ZNF655: variants seen among roughly 807,000 people sequenced by gnomAD.
The protein encoded by ZNF655 is Vav-interacting Kruppel-like protein 1.
A neutral mutation model predicts 6.6 loss-of-function variants in ZNF655; 3 were observed. The ratio of observed to expected loss-of-function variants is 0.46; its 90% CI spans 0.21 to 1.18. The LOEUF is 1.18. Ranked by LOEUF, ZNF655 falls within the 50% of genes most tolerant of loss-of-function variation. The probability of loss-of-function intolerance (pLI) is 0.24; values close to 1 mark genes in which losing one functional copy is unlikely to be tolerated. For synonymous variants in ZNF655, 178 were observed against 195.0 expected (o/e 0.91, Z 0.73); for missense variants, 526 against 572.3 (o/e 0.92, Z 0.83).
intron 2 of ZNF655, chr7:99,570,338 T>C (rs1045766037): frequency 6.6e-6 from 1 of 152,210 alleles, no homozygotes; most frequent in Non-Finnish European, 1.5e-5. Context: ...ATTAAATATA[T>C]GTCCACAAGG....
rs1338270336 is a variant in ZNF655, at chr7:99,573,044, C to G, written c.936C>G (p.Phe312Leu). ...SYKCSSCERV[F>L]SRSVHLTQHQ... ...AATGTAGCAGTTGTGAAAGAGTCTT[C>G]AGTCGTAGTGTCCACCTTACTCAAC... The change falls in exon 3 of 3, where the codon TTC (phenylalanine) becomes TTG (leucine). Residue 312 changes from phenylalanine to leucine, a missense_variant. By Grantham distance (22) the Phe-to-Leu change is conservative. Transcript: ENST00000252713. 2.5e-6 allele frequency: 4 copies of G among 1,614,040 alleles called. No individual in the cohort carries two copies. The highest frequency in any genetic ancestry group is 2.5e-6 in the Non-Finnish European group (3 of 1,180,026).
chr7:99,568,089 G>C (rs991263690), intron 2 of ZNF655, among the ~76,000 whole-genome samples: 1 of 149,806 alleles, frequency 6.7e-6, no homozygotes, highest in South Asian at 2.1e-4. Flanking sequence ...AAAAAATTAA[G>C]TACCTGCCTT....
At chr7:99,559,981 C>G (rs1244402823) in intron 1 of ZNF655, among the ~76,000 whole-genome samples, 1 of 151,544 alleles carries the variant, frequency 6.6e-6, no homozygotes, top group Non-Finnish European at 1.5e-5. Flanking sequence ...TAAATTGTAC[C>G]GTGTTAATTT....
chr7:99,560,585 C>A lies in ZNF655; in HGVS notation c.26C>A (p.Ala9Glu), dbSNP rs1272354751. ...ATGGAGGAAATACCAGCCCAGGAAG[C>A]AGCAGGGTCACCAAGGGTCCAGTTT... MEEIPAQE[A>E]AGSPRVQFQS... Residue 9 changes from alanine to glutamate, a missense_variant, in exon 2 of 3, where the codon GCA (alanine) becomes GAA (glutamate). Coordinates refer to ENST00000252713, the MANE Select transcript of ZNF655 (RefSeq NM_138494.3). 1.9e-5 allele frequency: 30 copies of A among 1,614,124 alleles called. No homozygotes were observed. The highest frequency in any genetic ancestry group is 2.5e-5 in the Non-Finnish European group (30 of 1,179,996).
chr7:99,572,597 C>T lies in ZNF655; in HGVS notation c.489C>T (p.Asp163=). 2 of 1,613,736 alleles carry T rather than the reference C, an allele frequency of 1.2e-6. No individual in the cohort carries two copies. The highest frequency in any genetic ancestry group is 1.3e-5 in the African/African-American group (1 of 75,046). The change falls in exon 3 of 3, where the codon GAC becomes GAT. Residue 163 remains aspartate, a synonymous_variant. Transcript: ENST00000252713. The stretch of plus-strand genomic sequence containing the variant: ...ATACCGATGACAATGATAAGTATGA[C>T]ATGAGCTTCAACCAGAATTCAGCCT... ...IQNTDDNDKY[D]MSFNQNSASG... is the part of the protein sequence containing the mutation.
At chr7:99,562,959 C>T (rs138717507) in intron 2 of ZNF655, among the ~76,000 whole-genome samples, 3,366 of 152,198 alleles carry the variant, frequency 0.022, 57 homozygotes, top group Non-Finnish European at 0.033. Flanking sequence ...GGCTAAATTC[C>T]TTCTTGTTGA....
At chr7:99,569,998 T>G (rs1803913875) in intron 2 of ZNF655, among the ~76,000 whole-genome samples, 1 of 152,216 alleles carries the variant, frequency 6.6e-6, no homozygotes, top group African/African-American at 2.4e-5. Flanking sequence ...GTCCATTTTA[T>G]CACTCTGTAT....
intron 2 of ZNF655, chr7:99,563,847 T>C: frequency 6.3e-7 from 1 of 1,599,544 alleles, no homozygotes; most frequent in Non-Finnish European, 8.5e-7. Context: ...CATTCCTGGC[T>C]CTTTAATCTT....
chr7:99,570,981 T>G (rs932505149), intron 2 of ZNF655: 1 of 181,610 alleles, frequency 5.5e-6, no homozygotes, highest in African/African-American at 2.4e-5. Context: ...ATGCACTGAT[T>G]GCACTTCCCT....
rs910389097 is a variant in ZNF655, at chr7:99,574,981, C to A, written c.*1397C>A. On this transcript the variant is annotated 3_prime_UTR_variant, in exon 3 of 3. Transcript: ENST00000252713. ...GAATTTGATTGACAATATATCCAGT[C>A]CAATATAAGTATGAAGGATTCTCTC... 8.5e-5 allele frequency: 13 copies of A among 152,416 alleles called. No individual in the cohort carries two copies. Among genetic ancestry groups the A allele is most frequent in the African/African-American group, 3.1e-4 (13 of 41,422 alleles). 9.4% of individuals were successfully genotyped at this position (152,416 alleles called of 1,614,324 possible). A position where few individuals can be genotyped will look rare whatever the true frequency, so the allele number is the denominator to read the frequency against.
intron 2 of ZNF655, chr7:99,562,619 G>T (rs763191223): frequency 2.0e-5 from 18 of 921,034 alleles, no homozygotes; most frequent in Non-Finnish European, 2.8e-5. Context: ...TAGAACCTCT[G>T]AATCCTTATC....
intron 2 of ZNF655, 128 bp from the exon 3 acceptor site, chr7:99,572,117 T>TC: frequency 9.5e-7 from 1 of 1,055,386 alleles, no homozygotes; most frequent in Non-Finnish European, 1.3e-6. Flanking sequence ...TTGTGCCTGT[T>TC]TTTCAGAGTA....
At position 99,573,578 on chromosome 7, in the gene ZNF655, C is replaced by T; in HGVS notation, c.1470C>T (p.Asn490=). Residue 490 remains asparagine (N), a synonymous_variant, in exon 3 of 3, where the codon AAC becomes AAT. Transcript: ENST00000252713. The part of the protein sequence containing the change: ...VQHQSIHTKE[N]S ...ATCAGAGCATTCATACCAAAGAGAA[C>T]TCATGAATGTAATGAAGATGGGAAG... 3 of 1,598,208 alleles carry T rather than the reference C, an allele frequency of 1.9e-6. No individual in the cohort carries two copies. Among genetic ancestry groups the T allele is most frequent in the Non-Finnish European group, 2.5e-6 (3 of 1,177,064 alleles).
intron 2 of ZNF655, chr7:99,563,189 T>TA: frequency 2.2e-6 from 1 of 455,540 alleles, no homozygotes; most frequent in East Asian, 7.0e-5. Context: ...TTTTGAAAGG[T>TA]ACAGTGGGAA....
Position 99,572,430 on chromosome 7 carries a change from T to C in ZNF655, c.322T>C (p.Tyr108His). ...RLQEILRKFL[Y>H]LEREFRQITI... ...TCAGGAAATTCTAAGGAAATTTCTG[T>C]ACCTGGAGAGAGAGTTTAGGCAAAT... The change falls in exon 3 of 3, where the codon TAC (tyrosine) becomes CAC (histidine). Residue 108 changes from tyrosine (Y) to histidine (H), a missense_variant. By Grantham distance (83) the Tyr-to-His change is moderately conservative. Transcript: ENST00000252713. The C allele has an allele frequency of 6.2e-7, 1 of 1,613,754 alleles. No individual in the cohort carries two copies. Among genetic ancestry groups the C allele is most frequent in the Non-Finnish European group, 8.5e-7 (1 of 1,179,902 alleles).
intron 2 of ZNF655, among the ~76,000 whole-genome samples, chr7:99,568,188 G>A (rs1040194199): frequency 6.6e-6 from 1 of 151,480 alleles, no homozygotes; most frequent in Non-Finnish European, 1.5e-5. Context: ...TTTCAGGAGT[G>A]TGTTCAAATT....
chr7:99,561,888 C>T (rs372052840), intron 2 of ZNF655: 5 of 1,538,188 alleles, frequency 3.3e-6, no homozygotes, highest in South Asian at 1.2e-5. Context: ...CCTCCCTCAG[C>T]TCCACCTGTT....
At chr7:99,561,833 A>G in intron 2 of ZNF655, 1 of 1,294,466 alleles carries the variant, frequency 7.7e-7, no homozygotes, top group Non-Finnish European at 1.0e-6. Context: ...CCTCCTCTGA[A>G]AGGGAGCCCT....
Position 99,576,061 on chromosome 7 carries a change from T to A in ZNF655, c.*2477T>A, listed in dbSNP as rs185703139. ...TTGAGGCTTTCATAGTTCAGTGTTA[T>A]AATATTCAGTAGGGACCCTCAACAA... On this transcript the variant is annotated 3_prime_UTR_variant, in exon 3 of 3. Coordinates refer to ENST00000252713, the MANE Select transcript of ZNF655 (RefSeq NM_138494.3). The A allele has an allele frequency of 4.6e-5, 7 of 152,336 alleles. No homozygotes were observed. Among genetic ancestry groups the A allele is most frequent in the African/African-American group, 1.2e-4 (5 of 41,576 alleles). 9.4% of individuals were successfully genotyped at this position (152,336 alleles called of 1,614,324 possible).
Sources: gnomAD v4.1 joint callset for allele counts (sites outside exome capture counted in the v4.1 genomes callset) on GRCh38, gnomAD v4.1.1 for gene constraint, MANE v1.5 for transcripts, NCBI Gene and HGNC (gene_info 2026-07-23, HGNC 2026-07-21) for gene names.